The following TMEM144 variants were observed in gnomAD, a reference collection of about 807,000 sequenced individuals.
TMEM144 encodes the protein transmembrane protein 144.
TMEM144 carries 39 observed loss-of-function variants against 43.6 expected under a neutral mutation model. The observed-to-expected ratio is 0.90, with a 90% CI of 0.69 to 1.17. TMEM144 has a LOEUF of 1.17. TMEM144 is among the 50% of genes most tolerant of loss of function. The pLI is 0.00. For synonymous variants in TMEM144, 154 were observed against 133.6 expected, an observed-to-expected ratio of 1.15 and a Z score of -1.06; for missense variants, 417 against 411.9, an observed-to-expected ratio of 1.01 and a Z score of -0.11.
intron 6 of TMEM144, among the ~76,000 whole-genome samples, chr4:158,220,928 C>T (rs1734477943): frequency 6.6e-6 from 1 of 152,128 alleles, no homozygotes; most frequent in Admixed American, 6.5e-5. Context: ...TGGAATATGT[C>T]ATTTCATTAT....
chr4:158,241,509 G>T lies in TMEM144; in HGVS notation c.803G>T (p.Gly268Val). 3 of 1,612,942 alleles carry T rather than the reference G, an allele frequency of 1.9e-6. No homozygotes were observed. Among genetic ancestry groups the T allele is most frequent in the Non-Finnish European group, 2.5e-6 (3 of 1,179,112 alleles). Residue 268 changes from glycine to valine, a missense_variant and splice_region_variant, in exon 11 of 13, where the codon GGA (glycine) becomes GTA (valine). Coordinates refer to ENST00000296529, the MANE Select transcript of TMEM144 (RefSeq NM_018342.5). ...AATGTGTGTTGTCTTTGTATTTCAG[G>T]ATTCCTGTCAGGAGTACTTTGGGCT... is the stretch of plus-strand genomic sequence containing the variant. ...PKLYPEAVLP[G>V]FLSGVLWAIA...
chr4:158,225,800 G>A (rs1734734051), intron 6 of TMEM144, among the ~76,000 whole-genome samples: 2 of 152,266 alleles, frequency 1.3e-5, no homozygotes, highest in Non-Finnish European at 2.9e-5. Context: ...TCTAAGGAAT[G>A]CTGTTTCCTC....
At chr4:158,244,411 A>C in intron 12 of TMEM144, 62 bp downstream of exon 12, 81 of 1,410,408 alleles carry the variant, frequency 5.7e-5, no homozygotes, top group Non-Finnish European at 7.1e-5. Flanking sequence ...GTGGTGGCTC[A>C]CGCTTGTCCT....
At chr4:158,217,180 T>G (rs1264692401) in intron 4 of TMEM144, 141 bp from the exon 5 acceptor site, 4 of 559,476 alleles carry the variant, frequency 7.1e-6, no homozygotes, top group African/African-American at 1.9e-5. Context: ...GTTATTTTAC[T>G]GAAAAAATAA....
intron 8 of TMEM144, 65 bp from the exon 9 acceptor site, chr4:158,237,460 A>G (rs1735406431): frequency 1.6e-6 from 2 of 1,257,284 alleles, no homozygotes; most frequent in Non-Finnish European, 2.3e-6. Context: ...TTATGATTCC[A>G]TTTGTGCGTT....
intron 9 of TMEM144, among the ~76,000 whole-genome samples, chr4:158,239,570 A>G (rs1735521709): frequency 6.6e-6 from 1 of 152,226 alleles, no homozygotes; most frequent in African/African-American, 2.4e-5. Context: ...AGATTGATCA[A>G]TGGATCCTGT....
rs370558739 is a variant in TMEM144 at position 158,229,161 on chromosome 4, C to T, written c.414-3740C>T. 1.6e-4 allele frequency among the ~76,000 whole-genome samples: 25 copies of T among 152,202 alleles called. 1 individual carries two copies. Among genetic ancestry groups the T allele is most frequent in the Admixed American group, 5.9e-4 (9 of 15,296 alleles). On this transcript the variant is annotated intron_variant, in intron 6 of 12. Coordinates refer to ENST00000296529, the MANE Select transcript of TMEM144 (RefSeq NM_018342.5). Reference sequence around the variant, plus strand: ...GGTTTTGGGTCTGGTTCCTAGGCGCCGGGCTACCTGCCTTTAGTTTCGCTT... The same window carrying T: ...GGTTTTGGGTCTGGTTCCTAGGCGCTGGGCTACCTGCCTTTAGTTTCGCTT...
At chr4:158,250,104 T>C (rs74612307) in intron 12 of TMEM144, among the ~76,000 whole-genome samples, 471 of 151,616 alleles carry the variant, frequency 3.1e-3, no homozygotes, top group African/African-American at 0.011. Flanking sequence ...GGCAAATTTA[T>C]CTACTCTGAT....
chr4:158,228,788 A>T (rs192046614), intron 6 of TMEM144, among the ~76,000 whole-genome samples: 1 of 152,260 alleles, frequency 6.6e-6, no homozygotes, highest in Non-Finnish European at 1.5e-5. Flanking sequence ...CTCCTCAGAC[A>T]CGGAGTTAAA....
intron 4 of TMEM144, among the ~76,000 whole-genome samples, chr4:158,215,671 T>C (rs1412698604): frequency 6.6e-6 from 1 of 152,202 alleles, no homozygotes; most frequent in Non-Finnish European, 1.5e-5. Flanking sequence ...TAAATAGTAA[T>C]CTCTACTAAT....
intron 12 of TMEM144, among the ~76,000 whole-genome samples, chr4:158,247,167 A>T (rs926465422): frequency 8.6e-5 from 13 of 151,936 alleles, no homozygotes; most frequent in African/African-American, 2.9e-4. Context: ...TATGAAAAGG[A>T]CGTGATAATA....
intron 4 of TMEM144, among the ~76,000 whole-genome samples, chr4:158,216,983 A>G (rs556768834): frequency 2.0e-5 from 3 of 152,270 alleles, no homozygotes; most frequent in African/African-American, 7.2e-5. Context: ...GCCCTAATTC[A>G]AGTCTAAGAG....
At chr4:158,228,198 C>G (rs1409213279) in intron 6 of TMEM144, among the ~76,000 whole-genome samples, 1 of 152,176 alleles carries the variant, frequency 6.6e-6, no homozygotes, top group Non-Finnish European at 1.5e-5. Context: ...CGCTTCCACT[C>G]AAATGGAGTA....
At chr4:158,241,485 A>G in intron 10 of TMEM144, 24 bp from the exon 11 acceptor site, 1 of 1,590,678 alleles carries the variant, frequency 6.3e-7, no homozygotes, top group East Asian at 2.2e-5. Flanking sequence ...TGGTCTGCAA[A>G]TGTGTGTTGT....
rs1486066990 is a variant in TMEM144, at chr4:158,215,296, G to T, written c.215G>T (p.Gly72Val). 1.2e-6 allele frequency: 2 copies of T among 1,613,506 alleles called. No individual in the cohort carries two copies. Among genetic ancestry groups the T allele is most frequent in the African/African-American group, 2.7e-5 (2 of 74,884 alleles). ...TTTTGGCCTTTTGCAATGCTTGGGG[G>T]CTGCATTTGGGCAACAGGTAATGTC... ...PKFWPFAMLG[G>V]CIWATGNIAV... Residue 72 changes from glycine to valine, a missense_variant, in exon 4 of 13, where the codon GGC becomes GTC. Physicochemically the swap from Gly to Val is moderately radical, Grantham distance 109. Coordinates refer to ENST00000296529, the MANE Select transcript of TMEM144 (RefSeq NM_018342.5).
intron 6 of TMEM144, among the ~76,000 whole-genome samples, chr4:158,230,236 G>A (rs1045438419): frequency 6.6e-6 from 1 of 152,248 alleles, no homozygotes; most frequent in Non-Finnish European, 1.5e-5. Flanking sequence ...TGGGGGTCCT[G>A]CAGCCCTGTG....
chr4:158,236,099 C>T (rs1039867994), intron 8 of TMEM144, among the ~76,000 whole-genome samples: 3 of 152,094 alleles, frequency 2.0e-5, no homozygotes, highest in African/African-American at 7.2e-5. Context: ...TATGAAAATA[C>T]ACACTAGTAT....
chr4:158,212,683 G>A lies in TMEM144; in HGVS notation c.16G>A (p.Ala6Thr), dbSNP rs1734016517. MSNNG[A>T]DLTFGYISCF... is the part of the protein sequence containing the mutation. ...GACTGGAATCATGAGCAACAATGGA[G>A]CAGACCTAACCTTTGGTTACATCTC... is the stretch of plus-strand genomic sequence containing the variant. Residue 6 changes from alanine (A) to threonine (T), a missense_variant, in exon 3 of 13, where the codon GCA becomes ACA. Coordinates refer to ENST00000296529, the MANE Select transcript of TMEM144 (RefSeq NM_018342.5). 1 of 1,612,288 alleles carries A rather than the reference G, an allele frequency of 6.2e-7. No individual in the cohort carries two copies. Among genetic ancestry groups the A allele is most frequent in the South Asian group, 1.1e-5 (1 of 90,394 alleles).
intron 12 of TMEM144, among the ~76,000 whole-genome samples, chr4:158,252,873 A>G (rs1410881335): frequency 2.0e-5 from 3 of 152,060 alleles, no homozygotes; most frequent in Non-Finnish European, 2.9e-5. Context: ...GCTCAGGTCC[A>G]TGGTCTTCCA....
Sources: allele counts gnomAD v4.1 joint callset (sites outside exome capture counted in the v4.1 genomes callset), GRCh38; gene constraint gnomAD v4.1.1; transcripts MANE v1.5; gene names NCBI Gene and HGNC (gene_info 2026-07-23, HGNC 2026-07-21).